The following DENND1A variants were observed in gnomAD, a reference collection of about 807,000 sequenced individuals.
DENND1A encodes DENN domain containing 1A.
Under a neutral mutation model 113.7 loss-of-function variants are expected in DENND1A, and 51 were observed. That is an observed-to-expected ratio of 0.45 (90% confidence interval 0.36 to 0.57). The LOEUF is 0.57. Among genes scored for constraint, DENND1A ranks in the 20% least tolerant of loss-of-function variants. The pLI is 0.00. For missense variants in DENND1A, 1,258 were observed against 1,395.9 expected, an observed-to-expected ratio of 0.90 and a Z score of 1.57; for synonymous variants, 565 against 570.8, an observed-to-expected ratio of 0.99 and a Z score of 0.14.
At chr9:123,870,419 G>A (rs377351498) in intron 2 of DENND1A, among the ~76,000 whole-genome samples, 10 of 149,790 alleles carry the variant, frequency 6.7e-5, no homozygotes, top group Admixed American at 4.0e-4. Context: ...ACAAGTGCCC[G>A]CCACCATGCC....
rs200503663 is a variant in DENND1A at position 123,382,162 on chromosome 9, G to A, written c.2483C>T (p.Pro828Leu). 1.3e-4 allele frequency: 202 copies of A among 1,607,634 alleles called. No individual in the cohort carries two copies. Among genetic ancestry groups the A allele is most frequent in the Non-Finnish European group, 1.4e-4 (168 of 1,178,356 alleles). Residue 828 changes from proline (P) to leucine (L), a missense_variant, in exon 24 of 24, where the codon CCG becomes CTG. Physicochemically the swap from Pro to Leu is moderately conservative, Grantham distance 98 (BLOSUM62 -3). Around this residue, in one of 2 missense-constraint regions of DENND1A, gnomAD observed 1,159 missense variants for 1,231.7 expected, o/e 0.94. Coordinates refer to ENST00000394215, the MANE Select transcript of DENND1A (RefSeq NM_001352964.2). Reference protein sequence around the residue: ...VPQGPTELLQPLSPGPGAAGT... With the variant: ...VPQGPTELLQLLSPGPGAAGT... ...TGCAGCCCCGGGGCCAGGGCTGAGC[G>A]GCTGGAGCAGTTCAGTGGGGCCTTG...
At chr9:123,592,678 T>C (rs933799651) in intron 11 of DENND1A, among the ~76,000 whole-genome samples, 15 of 152,214 alleles carry the variant, frequency 9.9e-5, no homozygotes, top group Admixed American at 9.2e-4. Context: ...ATTTATTTTA[T>C]TTTATTTTGA....
intron 5 of DENND1A, among the ~76,000 whole-genome samples, chr9:123,678,771 A>G (rs1380742044): frequency 1.3e-5 from 2 of 152,236 alleles, no homozygotes; most frequent in Non-Finnish European, 2.9e-5. Context: ...TTATGTTAAT[A>G]TGTTTCAATC....
At chr9:123,880,233 G>C (rs143756212) in intron 1 of DENND1A, among the ~76,000 whole-genome samples, 3 of 152,008 alleles carry the variant, frequency 2.0e-5, no homozygotes, top group Non-Finnish European at 4.4e-5. Context: ...GGCTGGTCTC[G>C]AATTCCTGAC....
intron 1 of DENND1A, among the ~76,000 whole-genome samples, chr9:123,888,161 G>A (rs991074594): frequency 1.3e-5 from 2 of 152,164 alleles, no homozygotes; most frequent in Admixed American, 1.3e-4. Flanking sequence ...GAACGTGCTA[G>A]ATGAACTTGG....
At chr9:123,686,081 AT>A (rs1433732590) in intron 5 of DENND1A, among the ~76,000 whole-genome samples, 1 of 152,060 alleles carries the variant, frequency 6.6e-6, no homozygotes, top group Non-Finnish European at 1.5e-5. Context: ...AAAATCAATG[AT>A]CCCAGTCAGA....
chr9:123,630,143 T>C (rs987945226), intron 10 of DENND1A, among the ~76,000 whole-genome samples: 2 of 150,998 alleles, frequency 1.3e-5, no homozygotes, highest in Non-Finnish European at 2.9e-5. Flanking sequence ...CTGGCTCAAA[T>C]GATCCTACCA....
chr9:123,771,103 A>G (rs1241799370), intron 3 of DENND1A, among the ~76,000 whole-genome samples: 1 of 152,204 alleles, frequency 6.6e-6, no homozygotes, highest in African/African-American at 2.4e-5. Flanking sequence ...GTGGATGAGA[A>G]CACCTCAGCA....
rs1339746922 is a variant in DENND1A at position 123,503,174 on chromosome 9, G to C, written c.994-45277C>G. Among the ~76,000 whole-genome samples, 5 of 152,330 alleles carry C rather than the reference G, an allele frequency of 3.3e-5. No homozygotes were observed. In the East Asian group the frequency reaches 9.6e-4, roughly 29 times the overall value. ...GCTATCTACAGAAGCGCAGTGTTAA[G>C]ATGATGGACTTAGGAGTTAGTCAGA... On this transcript the variant is annotated intron_variant, in intron 13 of 23. Transcript: ENST00000394215.
chr9:123,455,188 A>G (rs2048024182), intron 15 of DENND1A, among the ~76,000 whole-genome samples: 1 of 152,188 alleles, frequency 6.6e-6, no homozygotes, highest in African/African-American at 2.4e-5. Flanking sequence ...TTCTTAAAGG[A>G]GGCGGCAGCG....
chr9:123,762,766 G>A (rs1414776661), intron 4 of DENND1A, among the ~76,000 whole-genome samples: 2 of 152,220 alleles, frequency 1.3e-5, no homozygotes, highest in African/African-American at 4.8e-5. Flanking sequence ...AGAGGAAAAT[G>A]GAAGGGAAGG....
chr9:123,719,053 T>G (rs2067162037), intron 5 of DENND1A, among the ~76,000 whole-genome samples: 1 of 152,204 alleles, frequency 6.6e-6, no homozygotes, highest in Admixed American at 6.5e-5. Flanking sequence ...CTCTCTTGCC[T>G]GCCGCCATGT....
intron 11 of DENND1A, among the ~76,000 whole-genome samples, chr9:123,598,276 T>C (rs1198061390): frequency 6.6e-6 from 1 of 152,208 alleles, no homozygotes; most frequent in Non-Finnish European, 1.5e-5. Flanking sequence ...TACTGTGCAG[T>C]GTCCAAATGG....
chr9:123,413,314 A>C, intron 19 of DENND1A: 1 of 637,114 alleles, frequency 1.6e-6, no homozygotes, highest in African/African-American at 2.0e-5. Context: ...TTTTGGATAT[A>C]TTGGGTTCAT....
At chr9:123,474,462 CA>C (rs35840870) in intron 13 of DENND1A, among the ~76,000 whole-genome samples, 1 of 152,076 alleles carries the variant, frequency 6.6e-6, no homozygotes, top group South Asian at 2.1e-4. Flanking sequence ...AATTTTTAAG[CA>C]AAAAGCTCAA....
At chr9:123,900,286 T>C (rs1242987980) in intron 1 of DENND1A, among the ~76,000 whole-genome samples, 1 of 152,200 alleles carries the variant, frequency 6.6e-6, no homozygotes. Flanking sequence ...TAAACATTTA[T>C]GTAATTATGC....
At chr9:123,506,580 C>CAAAAAAAAAAAAAAAAAAAAA (rs10542393) in intron 13 of DENND1A, among the ~76,000 whole-genome samples, 1 of 73,898 alleles carries the variant, frequency 1.4e-5, no homozygotes, top group Non-Finnish European at 2.3e-5. Context: ...GACTCTGTCT[C>CAAAAAAAAAAAAAAAAAAAAA]AAAAAAAAAA....
intron 13 of DENND1A, among the ~76,000 whole-genome samples, chr9:123,495,903 G>C (rs180826389): frequency 6.6e-6 from 1 of 152,322 alleles, no homozygotes; most frequent in Non-Finnish European, 1.5e-5. Flanking sequence ...GAGAGGACCC[G>C]ACAGCAGCTT....
At chr9:123,408,744 G>C (rs779139901) in intron 20 of DENND1A, among the ~76,000 whole-genome samples, 4 of 152,174 alleles carry the variant, frequency 2.6e-5, no homozygotes, top group Admixed American at 1.3e-4. Context: ...CTCTCACAGC[G>C]TCTGTCTCCC....
Sources: gnomAD v4.1 joint callset for allele counts (sites outside exome capture counted in the v4.1 genomes callset) on GRCh38, gnomAD v4.1.1 for gene constraint, gnomAD v4.1.1 regional missense constraint, MANE v1.5 for transcripts, NCBI Gene and HGNC (gene_info 2026-07-23, HGNC 2026-07-21) for gene names.